GABRR2: variants seen among roughly 807,000 people sequenced by gnomAD.
The protein encoded by GABRR2 is gamma-aminobutyric acid type A receptor subunit rho2.
A neutral mutation model predicts 47.0 loss-of-function variants in GABRR2; 36 were observed. The observed-to-expected ratio is 0.77, with a 90% CI of 0.59 to 1.01. The LOEUF (loss-of-function observed/expected upper bound fraction) is 1.01. Among genes scored for constraint, GABRR2 ranks in the 50% least tolerant of loss-of-function variants. The pLI is 0.00. For missense variants in GABRR2, 587 were observed against 594.6 expected, an observed-to-expected ratio of 0.99 and a Z score of 0.13; for synonymous variants, 204 against 227.5, an observed-to-expected ratio of 0.90 and a Z score of 0.93.
intron 2 of GABRR2, among the ~76,000 whole-genome samples, chr6:89,278,167 T>C (rs942042685): frequency 6.6e-6 from 1 of 150,694 alleles, no homozygotes; most frequent in Non-Finnish European, 1.5e-5. Flanking sequence ...ATGTACGGTA[T>C]GCTTTCATTT....
intron 2 of GABRR2, among the ~76,000 whole-genome samples, chr6:89,289,758 CAG>C (rs1774403246): frequency 6.6e-6 from 1 of 152,132 alleles, no homozygotes. Context: ...GTTGCTATAA[CAG>C]AATACCTGAG....
rs543672428 is a variant in GABRR2, at chr6:89,255,707, T to C, written c.*1963A>G. 3.7e-4 allele frequency among the ~76,000 whole-genome samples: 57 copies of C among 152,218 alleles called. No homozygotes were observed. The highest frequency in any genetic ancestry group is 1.3e-3 in the African/African-American group (53 of 41,526). ...AAATGAATGACTTGCCCACAAACCC[T>C]GTTCTCTGCAATGGCAAACCTTCCC... is the stretch of plus-strand genomic sequence containing the variant. On this transcript the variant is annotated 3_prime_UTR_variant, in exon 9 of 9. Coordinates refer to ENST00000402938, the MANE Select transcript of GABRR2 (RefSeq NM_002043.5).
intron 2 of GABRR2, among the ~76,000 whole-genome samples, chr6:89,292,824 T>TATATC (rs1213941820): frequency 0.015 from 246 of 16,718 alleles, 33 homozygotes; most frequent in African/African-American, 0.069. Context: ...ATATATCGTA[T>TATATC]ATATCGTATA....
At chr6:89,290,980 A>C (rs149139465) in intron 2 of GABRR2, among the ~76,000 whole-genome samples, 5 of 152,080 alleles carry the variant, frequency 3.3e-5, no homozygotes, top group African/African-American at 1.2e-4. Flanking sequence ...GACCCTGCCC[A>C]TGCCTCCGTA....
intron 2 of GABRR2, among the ~76,000 whole-genome samples, chr6:89,273,510 G>C (rs62416352): frequency 0.15 from 23,531 of 152,172 alleles, 1,947 homozygotes; most frequent in African/African-American, 0.2. Context: ...GCTGGGATTA[G>C]AGGCATGAGC....
At chr6:89,307,278 A>G (rs1438519474) in intron 1 of GABRR2, among the ~76,000 whole-genome samples, 1 of 152,146 alleles carries the variant, frequency 6.6e-6, no homozygotes, top group Non-Finnish European at 1.5e-5. Context: ...TTCCCATGCA[A>G]TCAAGGCTAA....
intron 2 of GABRR2, among the ~76,000 whole-genome samples, chr6:89,297,542 A>G (rs918053344): frequency 6.0e-5 from 9 of 148,818 alleles, no homozygotes; most frequent in Admixed American, 5.3e-4. Flanking sequence ...TGCCTGGCAT[A>G]AAAAAAAATC....
intron 1 of GABRR2, among the ~76,000 whole-genome samples, chr6:89,306,611 G>C (rs1455606102): frequency 6.6e-6 from 1 of 152,190 alleles, no homozygotes. Context: ...TGGAGCCCAG[G>C]ACACAGCCCT....
At chr6:89,299,901 T>G in intron 1 of GABRR2, 36 bp from the exon 2 acceptor site, 1 of 1,330,646 alleles carries the variant, frequency 7.5e-7, no homozygotes, top group Non-Finnish European at 1.1e-6. Context: ...TTCCATCGGC[T>G]CTTCAATGCA....
chr6:89,276,725 C>G (rs897167210), intron 2 of GABRR2, among the ~76,000 whole-genome samples: 14 of 152,004 alleles, frequency 9.2e-5, no homozygotes, highest in Non-Finnish European at 5.9e-5. Context: ...TGATTGAGTA[C>G]ATAAAATTTA....
Position 89,313,599 on chromosome 6 carries a change from G to A in GABRR2, c.113+1454C>T, listed in dbSNP as rs1285063357. 5.3e-5 allele frequency among the ~76,000 whole-genome samples: 8 copies of A among 149,584 alleles called. No individual in the cohort carries two copies. In the East Asian group the frequency reaches 7.8e-4, roughly 15 times the overall value. On this transcript the variant is annotated intron_variant, in intron 1 of 8. Transcript: ENST00000402938. ...GAGGGTTTTGATCTGTTTGCCTTCC[G>A]CTGAGTAGGACTAGGCTCCAGAGAG...
intron 1 of GABRR2, among the ~76,000 whole-genome samples, chr6:89,314,505 A>G (rs1341021692): frequency 2.0e-5 from 3 of 152,250 alleles, no homozygotes; most frequent in African/African-American, 7.2e-5. Flanking sequence ...GTTCACACAT[A>G]TATTTCTGAT....
At chr6:89,259,270 GT>G (rs1342372952) in intron 8 of GABRR2, among the ~76,000 whole-genome samples, 1 of 152,078 alleles carries the variant, frequency 6.6e-6, no homozygotes, top group Non-Finnish European at 1.5e-5. Flanking sequence ...AAATAATGAA[GT>G]TTCACAACCT....
chr6:89,314,951 A>G, intron 1 of GABRR2, 102 bp downstream of exon 1: 1 of 973,554 alleles, frequency 1.0e-6, no homozygotes, highest in Non-Finnish European at 1.6e-6. Context: ...TCATAGGGCG[A>G]TATCTCAATA....
intron 1 of GABRR2, among the ~76,000 whole-genome samples, chr6:89,305,817 G>C (rs1455612675): frequency 2.0e-5 from 3 of 151,976 alleles, no homozygotes; most frequent in Non-Finnish European, 4.4e-5. Flanking sequence ...GGTGGGAGGA[G>C]GGAAAGGATC....
At chr6:89,299,512 G>A (rs1774612037) in intron 2 of GABRR2, among the ~76,000 whole-genome samples, 1 of 152,158 alleles carries the variant, frequency 6.6e-6, no homozygotes, top group African/African-American at 2.4e-5. Context: ...CAGCTGCAGG[G>A]CCTGTCTCCT....
Position 89,305,849 on chromosome 6 carries a change from C to T in GABRR2, c.114-5984G>A, listed in dbSNP as rs564674381. 8.5e-5 allele frequency among the ~76,000 whole-genome samples: 13 copies of T among 152,054 alleles called. No individual in the cohort carries two copies. The East Asian group carries it at 1.4e-3, about 16-fold the overall frequency. On this transcript the variant is annotated intron_variant, in intron 1 of 8. Transcript: ENST00000402938. ...GATCAGAAAAAATAACTGTCGAGTACGGGGCTTCGTACCTGGGTGTCAAAA... is the reference window on the plus strand; with the variant it reads ...GATCAGAAAAAATAACTGTCGAGTATGGGGCTTCGTACCTGGGTGTCAAAA...
intron 2 of GABRR2, among the ~76,000 whole-genome samples, chr6:89,277,553 A>T (rs1010124793): frequency 6.6e-6 from 1 of 152,190 alleles, no homozygotes; most frequent in Admixed American, 6.5e-5. Context: ...GAAATTAACA[A>T]TAAACATATT....
intron 1 of GABRR2, among the ~76,000 whole-genome samples, chr6:89,309,905 G>A (rs183151295): frequency 1.3e-4 from 20 of 151,384 alleles, no homozygotes; most frequent in Middle Eastern, 7.0e-3. Flanking sequence ...AGCCTCCTGA[G>A]CAGCTGGGGT....
Sources: allele counts gnomAD v4.1 joint callset (sites outside exome capture counted in the v4.1 genomes callset), GRCh38; gene constraint gnomAD v4.1.1; transcripts MANE v1.5; gene names NCBI Gene and HGNC (gene_info 2026-07-23, HGNC 2026-07-21).